Variants in SHISA9 observed in about 807,000 individuals in gnomAD.
SHISA9 encodes protein shisa-9.
A neutral mutation model predicts 38.0 loss-of-function variants in SHISA9; 13 were observed. The observed-to-expected ratio is 0.34, with a 90% confidence interval of 0.22 to 0.54. The LOEUF (loss-of-function observed/expected upper bound fraction) is 0.54, where lower values mean the gene tolerates loss of function less well. Among genes scored for constraint, SHISA9 ranks in the 20% least tolerant of loss-of-function variants. The probability of loss-of-function intolerance (pLI) is 0.91; values close to 1 mark genes in which losing one functional copy is unlikely to be tolerated. For missense variants in SHISA9, 538 were observed against 575.8 expected, an observed-to-expected ratio of 0.93 and a Z score of 0.67; for synonymous variants, 275 against 242.0, an observed-to-expected ratio of 1.14 and a Z score of -1.27.
At chr16:13,402,638 A>G in the SHISA9 span, among the ~76,000 whole-genome samples, 8 of 149,302 alleles carry the variant, frequency 5.4e-5, no homozygotes, top group Admixed American at 5.4e-4. Context: ...CAGCCTCCCC[A>G]GTAGCTGGGA....
intron 2 of SHISA9, among the ~76,000 whole-genome samples, chr16:13,087,614 T>C (rs1022492412): frequency 6.6e-6 from 1 of 152,270 alleles, no homozygotes; most frequent in African/African-American, 2.4e-5. Context: ...GTTGGCTGCA[T>C]AGACGTCTTC....
chr16:13,441,012 A>C, the SHISA9 span, among the ~76,000 whole-genome samples: 2 of 152,366 alleles, frequency 1.3e-5, no homozygotes, highest in Non-Finnish European at 2.9e-5. Context: ...TCACATGGCA[A>C]TAATGAGAGC....
chr16:13,387,961 C>G, the SHISA9 span, among the ~76,000 whole-genome samples: 1 of 152,098 alleles, frequency 6.6e-6, no homozygotes, highest in Non-Finnish European at 1.5e-5. Context: ...TCCTGGATCT[C>G]CACACTACGA....
At chr16:13,288,324 A>C in the SHISA9 span, among the ~76,000 whole-genome samples, 1 of 152,154 alleles carries the variant, frequency 6.6e-6, no homozygotes, top group Non-Finnish European at 1.5e-5. Flanking sequence ...GTTCAAGATC[A>C]GAGTGCTTGC....
At chr16:13,474,114 T>C in the SHISA9 span, 6 of 152,158 alleles carry the variant, frequency 3.9e-5, no homozygotes, top group African/African-American at 9.7e-5. Context: ...GAGAAAAAAA[T>C]ACCCCTTGCC....
At chr16:13,124,377 G>A (rs2050238785) in intron 2 of SHISA9, among the ~76,000 whole-genome samples, 1 of 152,182 alleles carries the variant, frequency 6.6e-6, no homozygotes, top group African/African-American at 2.4e-5. Context: ...ATTAGCCAGG[G>A]TAGGGAGATG....
chr16:13,556,293 C>T, the SHISA9 span, among the ~76,000 whole-genome samples: 10 of 152,150 alleles, frequency 6.6e-5, no homozygotes, highest in Admixed American at 6.5e-4. Flanking sequence ...ATGACTTGCC[C>T]AAGTTCATAC....
chr16:13,346,123 A>G, the SHISA9 span, among the ~76,000 whole-genome samples: 5 of 152,074 alleles, frequency 3.3e-5, no homozygotes, highest in Admixed American at 3.3e-4. Flanking sequence ...CCACTCTCCT[A>G]CATTTTCAAG....
At chr16:13,182,534 G>A (rs569052925) in intron 2 of SHISA9, among the ~76,000 whole-genome samples, 3 of 152,306 alleles carry the variant, frequency 2.0e-5, no homozygotes, top group African/African-American at 7.2e-5. Flanking sequence ...GGCCTCAGTT[G>A]TAGTAAATGT....
At chr16:13,266,631 A>T in the SHISA9 span, among the ~76,000 whole-genome samples, 3 of 152,220 alleles carry the variant, frequency 2.0e-5, no homozygotes, top group South Asian at 6.2e-4. Context: ...TAAACGAAGA[A>T]GAAAAAAACA....
intron 4 of SHISA9, among the ~76,000 whole-genome samples, chr16:13,228,624 G>C (rs1427399189): frequency 6.6e-6 from 1 of 152,062 alleles, no homozygotes; most frequent in Non-Finnish European, 1.5e-5. Context: ...AAGATTACTG[G>C]GAGGAAAGTG....
At chr16:13,145,527 C>CAAG (rs2050439840) in intron 2 of SHISA9, among the ~76,000 whole-genome samples, 1 of 140,212 alleles carries the variant, frequency 7.1e-6, no homozygotes, top group African/African-American at 3.0e-5. Flanking sequence ...AACACCATCT[C>CAAG]AACAACAACA....
At chr16:13,068,185 TAAAC>T (rs532084164) in intron 2 of SHISA9, among the ~76,000 whole-genome samples, 12 of 152,292 alleles carry the variant, frequency 7.9e-5, no homozygotes, top group East Asian at 3.9e-4. Context: ...TGGGTGTTCT[TAAAC>T]AACACTCTTA....
At chr16:13,000,710 C>T (rs1003928285) in intron 2 of SHISA9, among the ~76,000 whole-genome samples, 8 of 152,152 alleles carry the variant, frequency 5.3e-5, no homozygotes, top group African/African-American at 1.7e-4. Flanking sequence ...GGGATGGCTT[C>T]CCAGAGTGCC....
At chr16:13,003,352 G>C (rs1479426439) in intron 2 of SHISA9, among the ~76,000 whole-genome samples, 1 of 152,178 alleles carries the variant, frequency 6.6e-6, no homozygotes, top group Non-Finnish European at 1.5e-5. Context: ...TTTAGACCTG[G>C]ATCTCTCTGC....
the SHISA9 span, among the ~76,000 whole-genome samples, chr16:13,543,974 C>T: frequency 6.6e-6 from 1 of 152,028 alleles, no homozygotes; most frequent in African/African-American, 2.4e-5. Flanking sequence ...TGCAGCTGAA[C>T]AAATAGAAAC....
chr16:13,035,950 A>G (rs1056139782), intron 2 of SHISA9, among the ~76,000 whole-genome samples: 1 of 152,244 alleles, frequency 6.6e-6, no homozygotes, highest in Non-Finnish European at 1.5e-5. Flanking sequence ...TAAAACCACA[A>G]TAAGATACCA....
chr16:13,054,494 T>A (rs2073288009), intron 2 of SHISA9, among the ~76,000 whole-genome samples: 1 of 152,230 alleles, frequency 6.6e-6, no homozygotes, highest in South Asian at 2.1e-4. Flanking sequence ...TTTGACTACA[T>A]ACATGTCCAT....
chr16:13,152,910 T>C (rs1178536681), intron 2 of SHISA9, among the ~76,000 whole-genome samples: 1 of 152,162 alleles, frequency 6.6e-6, no homozygotes, highest in Admixed American at 6.5e-5. Flanking sequence ...AAGAGGAAGA[T>C]TTTCCTGGAT....
Sources: allele counts gnomAD v4.1 joint callset (sites outside exome capture counted in the v4.1 genomes callset), GRCh38; gene constraint gnomAD v4.1.1; transcripts MANE v1.5; gene names NCBI Gene and HGNC (gene_info 2026-07-23, HGNC 2026-07-21).